Variants in PTK2B observed in about 807,000 individuals in gnomAD.
PTK2B encodes protein-tyrosine kinase 2-beta.
Under a neutral mutation model 142.9 loss-of-function variants are expected in PTK2B, and 71 were observed. That is an observed-to-expected ratio of 0.50 (90% CI 0.41 to 0.61). The LOEUF (loss-of-function observed/expected upper bound fraction) is 0.61. Ranked by LOEUF, PTK2B falls within the 20% of genes least tolerant of loss-of-function variation. The pLI is 0.00. For missense variants in PTK2B, 1,105 were observed against 1,320.4 expected (o/e 0.84, Z 2.53); for synonymous variants, 519 against 503.4 (o/e 1.03, Z -0.42).
At chr8:27,456,433 G>A (rs890093865) in intron 30 of PTK2B, among the ~76,000 whole-genome samples, 6 of 152,164 alleles carry the variant, frequency 3.9e-5, no homozygotes, top group African/African-American at 7.2e-5. Context: ...GTTTTGAGGG[G>A]CCATCATAAA....
At chr8:27,353,226 A>AT in intron 1 of PTK2B, among the ~76,000 whole-genome samples, 1 of 152,216 alleles carries the variant, frequency 6.6e-6, no homozygotes, top group East Asian at 1.9e-4. Context: ...CATAAGCTAC[A>AT]TACCAGTTGG....
chr8:27,355,007 T>TG (rs1352314920), intron 1 of PTK2B, among the ~76,000 whole-genome samples: 11 of 152,234 alleles, frequency 7.2e-5, no homozygotes, highest in African/African-American at 2.7e-4. Context: ...CTCTTTTTGA[T>TG]TCTGCCTCTT....
rs369672058 is a variant in PTK2B at position 27,332,578 on chromosome 8, AT to A, written c.-38+6908del. ...TCAGGGTATAGTTTTTCTTCCCCCAATTTTTTTTTTTATCTCATTTCGAGAC... is the reference window on the plus strand; with the variant it reads ...TCAGGGTATAGTTTTTCTTCCCCCAATTTTTTTTTTATCTCATTTCGAGAC... On this transcript the variant is annotated intron_variant, in intron 1 of 30. Transcript: ENST00000346049. Among the ~76,000 whole-genome samples, 506 of 147,378 alleles carry A rather than the reference AT, an allele frequency of 3.4e-3. 3 individuals carry two copies. Among genetic ancestry groups the A allele is most frequent in the African/African-American group, 0.011 (437 of 40,274 alleles).
intron 15 of PTK2B, 35 bp from the exon 16 acceptor site, chr8:27,437,087 T>G: frequency 6.3e-7 from 1 of 1,591,296 alleles, no homozygotes; most frequent in Non-Finnish European, 8.6e-7. Flanking sequence ...AGCACTGGGC[T>G]GGACCAAGGG....
At position 27,420,765 on chromosome 8, in the gene PTK2B, T is replaced by C. The variant is rs777940933; in HGVS notation, c.471+21T>C. The C allele has an allele frequency of 1.5e-5, 24 of 1,587,366 alleles. No individual in the cohort carries two copies. The South Asian group carries it at 2.5e-4, about 17-fold the overall frequency. On this transcript the variant is annotated intron_variant, in intron 4 of 30. Transcript: ENST00000346049. ...AACAGGTAAAAAGTACTTTATCTTC[T>C]TGCCCCGAGGCTCCCATTACACCTC... is the stretch of plus-strand genomic sequence containing the variant.
intron 1 of PTK2B, among the ~76,000 whole-genome samples, chr8:27,341,609 C>G (rs1259972588): frequency 6.6e-6 from 1 of 152,184 alleles, no homozygotes; most frequent in Non-Finnish European, 1.5e-5. Flanking sequence ...CTTGGACTCA[C>G]TGCAGCCCTT....
At chr8:27,430,495 G>A in intron 7 of PTK2B, 77 bp downstream of exon 7, 1 of 1,579,502 alleles carries the variant, frequency 6.3e-7, no homozygotes, top group Non-Finnish European at 8.7e-7. Flanking sequence ...CTGGGGCTGG[G>A]GATACTCAGA....
chr8:27,358,669 ATAT>A (rs1805525037), intron 1 of PTK2B, among the ~76,000 whole-genome samples: 1 of 152,112 alleles, frequency 6.6e-6, no homozygotes, highest in Non-Finnish European at 1.5e-5. Context: ...GACTTCTAAT[ATAT>A]TTAGTATATG....
intron 2 of PTK2B, among the ~76,000 whole-genome samples, chr8:27,401,745 G>A (rs1808399119): frequency 6.6e-6 from 1 of 152,232 alleles, no homozygotes; most frequent in African/African-American, 2.4e-5. Flanking sequence ...GCTTTTTAAA[G>A]ATCACTTGGG....
intron 13 of PTK2B, 47 bp downstream of exon 13, chr8:27,434,606 T>A: frequency 1.3e-6 from 2 of 1,570,970 alleles, no homozygotes; most frequent in Non-Finnish European, 1.7e-6. Flanking sequence ...GCCTCCCGTC[T>A]GCTTGCTCCC....
chr8:27,386,232 A>G (rs1203505063), intron 1 of PTK2B, among the ~76,000 whole-genome samples: 11 of 152,058 alleles, frequency 7.2e-5, no homozygotes, highest in Admixed American at 7.2e-4. Context: ...TTTGATTCTC[A>G]TTATTTCACT....
chr8:27,430,492 T>A (rs1810342727), intron 7 of PTK2B, 74 bp downstream of exon 7: 1 of 1,582,332 alleles, frequency 6.3e-7, no homozygotes, highest in African/African-American at 1.3e-5. Context: ...AGGCTGGGGC[T>A]GGGGATACTC....
At chr8:27,451,415 G>A in intron 26 of PTK2B, 70 bp from the exon 27 acceptor site, 1 of 1,603,484 alleles carries the variant, frequency 6.2e-7, no homozygotes. Context: ...TGGGGAATGG[G>A]TAACCAGGGA....
chr8:27,355,753 G>A (rs1382751577), intron 1 of PTK2B, among the ~76,000 whole-genome samples: 1 of 152,190 alleles, frequency 6.6e-6, no homozygotes, highest in Non-Finnish European at 1.5e-5. Context: ...GCTACGCATG[G>A]TGGCTCATGC....
upstream of PTK2B, chr8:27,322,575 C>CA (rs1803244014): frequency 3.3e-5 from 5 of 152,200 alleles, no homozygotes; most frequent in South Asian, 1.0e-3. Flanking sequence ...TAGAATTTTT[C>CA]ATAGCATTTG....
intron 10 of PTK2B, 48 bp from the exon 11 acceptor site, chr8:27,433,387 C>G (rs1810564878): frequency 6.5e-7 from 1 of 1,530,352 alleles, no homozygotes; most frequent in African/African-American, 1.4e-5. Context: ...GGGGTGGTCT[C>G]TAGCCAAGGC....
intron 9 of PTK2B, 113 bp downstream of exon 9, chr8:27,431,585 A>C: frequency 7.1e-7 from 1 of 1,402,934 alleles, no homozygotes; most frequent in Non-Finnish European, 9.8e-7. Flanking sequence ...TGCTGAAAGC[A>C]GAGTTCTTCT....
chr8:27,345,512 G>C (rs1278360222), intron 1 of PTK2B, among the ~76,000 whole-genome samples: 1 of 152,174 alleles, frequency 6.6e-6, no homozygotes, highest in Non-Finnish European at 1.5e-5. Flanking sequence ...TAGCAGCCTG[G>C]AGGACAACCC....
chr8:27,311,473 CTTCTGCCCGCAGTTCCCGCCT>C, exon 1 of PTK2B: 1 of 577,522 alleles, frequency 1.7e-6, no homozygotes, highest in Non-Finnish European at 2.9e-6. Context: ...CGGGGTGGGC[CTTCTGCCCGCAGTTCCCGCCT>C]CCTCAGGTCC....
Sources: allele counts gnomAD v4.1 joint callset (sites outside exome capture counted in the v4.1 genomes callset), GRCh38; gene constraint gnomAD v4.1.1; transcripts MANE v1.5; gene names NCBI Gene and HGNC (gene_info 2026-07-23, HGNC 2026-07-21).